HECTD4: variants seen among roughly 807,000 people sequenced by gnomAD.
HECTD4 encodes probable E3 ubiquitin-protein ligase HECTD4.
In HECTD4, 114 loss-of-function variants were observed where a neutral mutation model predicts 471.5. The ratio of observed to expected loss-of-function variants is 0.24; its 90% CI spans 0.21 to 0.28. HECTD4 has a LOEUF of 0.28. Ranked by LOEUF, HECTD4 falls within the 10% of genes least tolerant of loss-of-function variation. The probability of loss-of-function intolerance (pLI) is 1.00; values close to 1 mark genes in which losing one functional copy is unlikely to be tolerated. For missense variants in HECTD4, 3,866 were observed against 5,651.5 expected, an observed-to-expected ratio of 0.68 and a Z score of 10.13; for synonymous variants, 2,012 against 2,256.0, an observed-to-expected ratio of 0.89 and a Z score of 3.07.
In HECTD4 at chr12:112,363,992, C is replaced by CAAA. The variant is rs1175386198; in HGVS notation, c.177+17957_177+17959dup. ...GGATGACAGAGCAAGACTCAATCTC[C>CAAA]AAAAAAAAAAAAAAAAAAAAAAAAA... On this transcript the variant is annotated intron_variant, in intron 1 of 75. Transcript: ENST00000682272. 4.9e-3 allele frequency among the ~76,000 whole-genome samples: 257 copies of CAAA among 52,754 alleles called. 2 individuals carry two copies. Among genetic ancestry groups the CAAA allele is most frequent in the African/African-American group, 0.012 (155 of 13,438 alleles). The allele number at this position is 52,754 out of a possible 152,430, so 34.6% of individuals were successfully genotyped here.
chr12:112,167,330 T>A lies in HECTD4; in HGVS notation c.12521A>T (p.Lys4174Met). 2 of 1,611,812 alleles carry A rather than the reference T, an allele frequency of 1.2e-6. No individual in the cohort carries two copies. Among genetic ancestry groups the A allele is most frequent in the Non-Finnish European group, 1.7e-6 (2 of 1,178,594 alleles). The change falls in exon 72 of 76, where the codon AAG becomes ATG. Residue 4174 changes from lysine to methionine, a missense_variant. Physicochemically the swap from Lys to Met is moderately conservative, Grantham distance 95. Around this residue, in one of 16 missense-constraint regions of HECTD4, gnomAD observed 715 missense variants for 1,087.6 expected, o/e 0.66. Transcript: ENST00000682272. Reference sequence around the variant, plus strand: ...CCTTGCACTCACGCTCTCAAACTTCTTGACGTAATTGTAGGTGAGGATATC... The same window carrying A: ...CCTTGCACTCACGCTCTCAAACTTCATGACGTAATTGTAGGTGAGGATATC... ...EADILTYNYV[K>M]KFESINDETE... is the part of the protein sequence containing the mutation.
At chr12:112,165,456 A>G (rs2030905380) in intron 72 of HECTD4, among the ~76,000 whole-genome samples, 1 of 145,582 alleles carries the variant, frequency 6.9e-6, no homozygotes, top group South Asian at 2.2e-4. Context: ...AGTTCACACC[A>G]TTCTCCTGCC....
rs755031637 is a variant in HECTD4, at chr12:112,230,792, C to A, written c.6231G>T (p.Gly2077=). 3.7e-6 allele frequency: 6 copies of A among 1,610,588 alleles called. No individual in the cohort carries two copies. In the South Asian group the frequency reaches 6.7e-5, roughly 18 times the overall value. The change falls in exon 40 of 76, where the codon GGG becomes GGT. Residue 2077 remains glycine (G), a synonymous_variant. Coordinates refer to ENST00000682272, the MANE Select transcript of HECTD4 (RefSeq NM_001388303.1). Reference sequence around the variant, plus strand: ...CTGCAGCCATGCTGTTTGCCACATGCCCACTGATGAAGGGACGCACAGGAT... The same window carrying A: ...CTGCAGCCATGCTGTTTGCCACATGACCACTGATGAAGGGACGCACAGGAT... ...RTDPVRPFIS[G]HVANSMAAEV... is the part of the protein sequence containing the mutation.
chr12:112,223,312 T>A (rs1226768540), intron 44 of HECTD4, among the ~76,000 whole-genome samples: 8 of 152,230 alleles, frequency 5.3e-5, no homozygotes, highest in African/African-American at 1.9e-4. Context: ...TAAAATAATG[T>A]TGAGAACTTT....
chr12:112,189,288 G>A (rs925573896), intron 60 of HECTD4, among the ~76,000 whole-genome samples: 1 of 152,054 alleles, frequency 6.6e-6, no homozygotes, highest in African/African-American at 2.4e-5. Context: ...CGCAGTGGCT[G>A]ATGTCTGTAA....
At chr12:112,176,092 C>T (rs1045059314) in intron 65 of HECTD4, among the ~76,000 whole-genome samples, 8 of 152,254 alleles carry the variant, frequency 5.3e-5, no homozygotes, top group African/African-American at 1.2e-4. Flanking sequence ...CAACAGGCTG[C>T]AGTTTCCCAC....
intron 59 of HECTD4, among the ~76,000 whole-genome samples, chr12:112,191,958 G>A (rs1028066017): frequency 1.2e-4 from 19 of 152,156 alleles, no homozygotes; most frequent in African/African-American, 4.1e-4. Flanking sequence ...GTGGAGGCCT[G>A]TGATGAGGAT....
intron 24 of HECTD4, 68 bp downstream of exon 24, chr12:112,250,903 G>C: frequency 6.9e-7 from 1 of 1,458,788 alleles, no homozygotes; most frequent in Non-Finnish European, 9.2e-7. Context: ...TGTACCAAAA[G>C]GATTTTTCCA....
intron 1 of HECTD4, among the ~76,000 whole-genome samples, chr12:112,349,586 G>C (rs192375204): frequency 2.6e-4 from 40 of 152,080 alleles, no homozygotes; most frequent in Non-Finnish European, 2.9e-5. Context: ...AAAACATCTA[G>C]TTTTGCTTCC....
chr12:112,203,462 TGA>T (rs1257312156), intron 54 of HECTD4, 172 bp downstream of exon 54: 1 of 536,706 alleles, frequency 1.9e-6, no homozygotes, highest in Non-Finnish European at 3.2e-6. Flanking sequence ...TCTGAGTCCC[TGA>T]GGAAAGCTCA....
rs2135610032 is a variant in HECTD4, at chr12:112,265,905, A to C, written c.2471T>G (p.Phe824Cys). Residue 824 changes from phenylalanine to cysteine, a missense_variant, in exon 15 of 76, where the codon TTT becomes TGT. Phe to Cys is a radical substitution (Grantham distance 205, BLOSUM62 -2). Coordinates refer to ENST00000682272, the MANE Select transcript of HECTD4 (RefSeq NM_001388303.1). ...NLAEQLQNNRFGSDEDDHYRL... is the reference protein window; with the variant it reads ...NLAEQLQNNRCGSDEDDHYRL... ...GTAATGATCATCCTCATCACTGCCA[A>C]ATCGGTTGTTTTGGAGCTGTTCAGC... The C allele has an allele frequency of 1.2e-6, 2 of 1,613,938 alleles. No homozygotes were observed. Among genetic ancestry groups the C allele is most frequent in the East Asian group, 2.2e-5 (1 of 44,874 alleles).
Position 112,228,562 on chromosome 12 carries a change from C to T in HECTD4, c.6684+85G>A. On this transcript the variant is annotated intron_variant, in intron 42 of 75. Transcript: ENST00000682272. The surrounding 1 kb of genome is among the most constrained non-coding windows in gnomAD (Gnocchi z 4.9). ...AATTTAAGATAATCAAGCATTTGTG[C>T]TTCTGCACTGAGCATGTGCATAGAC... 1.7e-6 allele frequency: 2 copies of T among 1,198,384 alleles called. No homozygotes were observed. The highest frequency in any genetic ancestry group is 1.2e-6 in the Non-Finnish European group (1 of 857,396). The allele number at this position is 1,198,384 out of a possible 1,614,324, so 74.2% of individuals were successfully genotyped here. A position where few individuals can be genotyped will look rare whatever the true frequency, so the allele number is the denominator to read the frequency against.
intron 1 of HECTD4, among the ~76,000 whole-genome samples, chr12:112,353,378 T>G (rs1313869796): frequency 6.6e-6 from 1 of 152,206 alleles, no homozygotes; most frequent in Non-Finnish European, 1.5e-5. Flanking sequence ...GGCTCTAAAA[T>G]TATTAACCCA....
At chr12:112,263,707 T>TTATATA (rs534839272) in intron 17 of HECTD4, among the ~76,000 whole-genome samples, 3 of 137,840 alleles carry the variant, frequency 2.2e-5, no homozygotes, top group African/African-American at 8.7e-5. Flanking sequence ...CCCAAGATTT[T>TTATATA]TATATATATA....
chr12:112,316,408 A>G (rs1230761031), intron 2 of HECTD4, among the ~76,000 whole-genome samples: 1 of 151,950 alleles, frequency 6.6e-6, no homozygotes, highest in Non-Finnish European at 1.5e-5. Flanking sequence ...CTCTACAATG[A>G]TCTGTTACCT....
At chr12:112,314,681 T>G (rs1171276801) in intron 2 of HECTD4, 135 bp from the exon 3 acceptor site, 1 of 608,198 alleles carries the variant, frequency 1.6e-6, no homozygotes, top group Admixed American at 2.8e-5. Context: ...AGATGATGTG[T>G]TGTAAAAAAA....
chr12:112,275,616 C>G (rs1400573015), intron 9 of HECTD4, among the ~76,000 whole-genome samples: 1 of 150,258 alleles, frequency 6.7e-6, no homozygotes, highest in Non-Finnish European at 1.5e-5. Flanking sequence ...GGATCCACAC[C>G]AGCATATATA....
chr12:112,372,418 C>G (rs1353181283), intron 1 of HECTD4, among the ~76,000 whole-genome samples: 1 of 151,964 alleles, frequency 6.6e-6, no homozygotes, highest in African/African-American at 2.4e-5. Context: ...CGCCACCATG[C>G]CCGGCTAATT....
intron 1 of HECTD4, among the ~76,000 whole-genome samples, chr12:112,328,616 A>G (rs1459743076): frequency 1.3e-5 from 2 of 152,216 alleles, no homozygotes; most frequent in African/African-American, 2.4e-5. Context: ...CATGCGAGCC[A>G]AGTAAGTACA....
Sources: allele counts gnomAD v4.1 joint callset (sites outside exome capture counted in the v4.1 genomes callset), GRCh38; gene constraint gnomAD v4.1.1; regional missense constraint gnomAD v4.1.1; non-coding constraint Gnocchi (gnomAD v3.1); transcripts MANE v1.5; gene names NCBI Gene and HGNC (gene_info 2026-07-23, HGNC 2026-07-21).